IL17RD: variants seen among roughly 807,000 people sequenced by gnomAD.
IL17RD encodes interleukin-17 receptor D.
IL17RD carries 52 observed loss-of-function variants against 80.5 expected under a neutral mutation model. The observed-to-expected ratio is 0.65, with a 90% CI of 0.52 to 0.81. The LOEUF (loss-of-function observed/expected upper bound fraction) is 0.81, where lower values mean the gene tolerates loss of function less well. Ranked by LOEUF, IL17RD falls within the 40% of genes least tolerant of loss-of-function variation. The probability of loss-of-function intolerance (pLI) is 0.00; values close to 1 mark genes in which losing one functional copy is unlikely to be tolerated. For synonymous variants in IL17RD, 416 were observed against 391.8 expected (o/e 1.06, Z -0.73); for missense variants, 1,024 against 955.1 (o/e 1.07, Z -0.95).
chr3:57,110,106 C>A, intron 4 of IL17RD, 87 bp downstream of exon 4: 1 of 1,482,114 alleles, frequency 6.7e-7, no homozygotes, highest in East Asian at 2.5e-5. Context: ...ATAGCCCCTC[C>A]TTCTCCAATT....
At position 57,151,801 on chromosome 3, in the gene IL17RD, C is replaced by T. The variant is rs1354300622; in HGVS notation, c.126+13360G>A. Among the ~76,000 whole-genome samples, 3 of 152,222 alleles carry T rather than the reference C, an allele frequency of 2.0e-5. No homozygotes were observed. In the East Asian group the frequency reaches 5.8e-4, roughly 29 times the overall value. ...GAAATTCCCCAAATCAAGGTTAAGG[C>T]TGCAAGTAAGCTGTGATCACACCAC... On this transcript the variant is annotated intron_variant, in intron 1 of 12. Coordinates refer to ENST00000296318, the MANE Select transcript of IL17RD (RefSeq NM_017563.5).
rs114410197 is a variant in IL17RD at position 57,094,813 on chromosome 3, T to C, written c.*1580A>G. ...GTTGCCTGTTGTTATGGGGAGGCAGTCTTGCAGCTCACTGTCTCTCCCTCA... is the reference window on the plus strand; with the variant it reads ...GTTGCCTGTTGTTATGGGGAGGCAGCCTTGCAGCTCACTGTCTCTCCCTCA... On this transcript the variant is annotated 3_prime_UTR_variant, in exon 13 of 13. Transcript: ENST00000296318. The C allele has an allele frequency of 0.011, 1,716 of 152,648 alleles. 14 individuals carry two copies. Among genetic ancestry groups the C allele is most frequent in the Middle Eastern group, 0.017 (5 of 294 alleles). 9.5% of individuals were successfully genotyped at this position (152,648 alleles called of 1,614,324 possible). A position where few individuals can be genotyped will look rare whatever the true frequency, so the allele number is the denominator to read the frequency against.
chr3:57,095,894 A>G lies in IL17RD; in HGVS notation c.*499T>C, dbSNP rs1706659955. 5 of 154,084 alleles carry G rather than the reference A, an allele frequency of 3.2e-5. No individual in the cohort carries two copies. Among genetic ancestry groups the G allele is most frequent in the Admixed American group, 3.2e-4 (5 of 15,614 alleles). The allele number at this position is 154,084 out of a possible 1,614,324, so 9.5% of individuals were successfully genotyped here. A position where few individuals can be genotyped will look rare whatever the true frequency, so the allele number is the denominator to read the frequency against. On this transcript the variant is annotated 3_prime_UTR_variant, in exon 13 of 13. Transcript: ENST00000296318. Reference sequence around the variant, plus strand: ...CCCATGGCAATGTAAATTCTACATCAAAAATAAATGAGAACATTATCTGCA... The same window carrying G: ...CCCATGGCAATGTAAATTCTACATCGAAAATAAATGAGAACATTATCTGCA...
intron 2 of IL17RD, among the ~76,000 whole-genome samples, chr3:57,118,448 G>A (rs1231706893): frequency 5.3e-5 from 8 of 152,168 alleles, no homozygotes; most frequent in Non-Finnish European, 1.5e-5. Context: ...TGCAACCTAA[G>A]CCCTTTACTT....
intron 1 of IL17RD, among the ~76,000 whole-genome samples, chr3:57,120,522 T>C (rs1559474239): frequency 6.6e-6 from 1 of 152,172 alleles, no homozygotes; most frequent in Non-Finnish European, 1.5e-5. Context: ...TGCCAGGCCA[T>C]AGGGATCATG....
chr3:57,155,749 C>G (rs1280844951), intron 1 of IL17RD, among the ~76,000 whole-genome samples: 1 of 152,184 alleles, frequency 6.6e-6, no homozygotes, highest in Non-Finnish European at 1.5e-5. Context: ...CATCACCATA[C>G]CCAGCTAATT....
chr3:57,156,686 A>C (rs1227197586), intron 1 of IL17RD, among the ~76,000 whole-genome samples: 1 of 152,160 alleles, frequency 6.6e-6, no homozygotes, highest in Admixed American at 6.5e-5. Flanking sequence ...CTGTTGGAGA[A>C]ATCTTCCAAG....
intron 12 of IL17RD, 47 bp downstream of exon 12, chr3:57,097,549 G>T: frequency 7.0e-6 from 10 of 1,426,442 alleles, no homozygotes; most frequent in Non-Finnish European, 9.7e-6. Context: ...TCAGAAGCAT[G>T]GTCAAAGGCT....
chr3:57,127,627 G>C (rs1447001387), intron 1 of IL17RD, among the ~76,000 whole-genome samples: 3 of 151,002 alleles, frequency 2.0e-5, no homozygotes, highest in East Asian at 3.9e-4. Context: ...GCCTGGTCTC[G>C]AACTCCTGAT....
At chr3:57,117,337 C>G (rs986949816) in intron 2 of IL17RD, among the ~76,000 whole-genome samples, 1 of 152,200 alleles carries the variant, frequency 6.6e-6, no homozygotes, top group Non-Finnish European at 1.5e-5. Context: ...TGGTCTCGAA[C>G]TCCTGACCTC....
rs779604701 is a variant in IL17RD at position 57,098,274 on chromosome 3, C to A, written c.1429G>T (p.Ala477Ser). 6.2e-7 allele frequency: 1 copy of A among 1,613,900 alleles called. No homozygotes were observed. The highest frequency in any genetic ancestry group is 1.7e-5 in the Admixed American group (1 of 60,006). Residue 477 changes from alanine to serine, a missense_variant, in exon 12 of 13, where the codon GCC becomes TCC. Physicochemically the swap from Ala to Ser is moderately conservative, Grantham distance 99 (BLOSUM62 1). Coordinates refer to ENST00000296318, the MANE Select transcript of IL17RD (RefSeq NM_017563.5). ...SSSAALSKFI[A>S]VYFDYSCEGD... ...TCGCAGGAATAATCAAAGTAGACGG[C>A]GATAAACTTGCTGAGCGCCGCGGAC...
At chr3:57,110,042 G>C in intron 4 of IL17RD, 151 bp downstream of exon 4, 1 of 792,628 alleles carries the variant, frequency 1.3e-6, no homozygotes, top group Non-Finnish European at 2.0e-6. Flanking sequence ...CGTGGAGCAG[G>C]CTCAAGGTGC....
intron 1 of IL17RD, among the ~76,000 whole-genome samples, chr3:57,147,221 T>C (rs1053369141): frequency 2.0e-5 from 3 of 152,176 alleles, no homozygotes; most frequent in Non-Finnish European, 2.9e-5. Context: ...GCAGTTACCA[T>C]GTGGCCAGGC....
At chr3:57,139,203 T>C (rs1439848333) in intron 1 of IL17RD, among the ~76,000 whole-genome samples, 1 of 152,006 alleles carries the variant, frequency 6.6e-6, no homozygotes, top group Non-Finnish European at 1.5e-5. Flanking sequence ...AAGCCAGGAA[T>C]TGGGCTTTGT....
chr3:57,153,468 G>A (rs9835819), intron 1 of IL17RD, among the ~76,000 whole-genome samples: 12,187 of 152,136 alleles, frequency 0.08, 875 homozygotes, highest in African/African-American at 0.19. Context: ...ATAAAGGACC[G>A]AAAAATAGGT....
chr3:57,100,877 GT>G (rs1346588777), intron 11 of IL17RD, among the ~76,000 whole-genome samples: 4 of 152,190 alleles, frequency 2.6e-5, no homozygotes, highest in Admixed American at 1.3e-4. Context: ...CCAATTGCAT[GT>G]TTCCACGGAA....
intron 11 of IL17RD, among the ~76,000 whole-genome samples, chr3:57,100,219 G>C (rs1007521409): frequency 1.3e-5 from 2 of 152,228 alleles, no homozygotes; most frequent in Non-Finnish European, 2.9e-5. Flanking sequence ...TTTTCAGCAC[G>C]TGCTGATCCA....
intron 1 of IL17RD, among the ~76,000 whole-genome samples, chr3:57,134,953 C>T (rs1266829225): frequency 1.3e-5 from 2 of 151,930 alleles, no homozygotes; most frequent in African/African-American, 2.4e-5. Flanking sequence ...AACAAAAACA[C>T]AAAAATTGGC....
chr3:57,132,203 C>T (rs1707623969), intron 1 of IL17RD, among the ~76,000 whole-genome samples: 1 of 150,462 alleles, frequency 6.6e-6, no homozygotes, highest in African/African-American at 2.5e-5. Context: ...GCGGGCGCAG[C>T]GGCTCACATT....
Sources: allele counts gnomAD v4.1 joint callset (sites outside exome capture counted in the v4.1 genomes callset), GRCh38; gene constraint gnomAD v4.1.1; transcripts MANE v1.5; gene names NCBI Gene and HGNC (gene_info 2026-07-23, HGNC 2026-07-21).